Variants in KCNJ3 observed in about 807,000 individuals in gnomAD.
KCNJ3 encodes G protein-activated inward rectifier potassium channel 1.
KCNJ3 carries 4 observed loss-of-function variants against 39.2 expected under a neutral mutation model. The observed-to-expected ratio is 0.10, with a 90% confidence interval of 0.05 to 0.23. The LOEUF (loss-of-function observed/expected upper bound fraction) is 0.23. Among genes scored for constraint, KCNJ3 ranks in the 10% least tolerant of loss-of-function variants. The probability of loss-of-function intolerance (pLI) is 1.00; values close to 1 mark genes in which losing one functional copy is unlikely to be tolerated. For synonymous variants in KCNJ3, 230 were observed against 237.4 expected (o/e 0.97, Z 0.29); for missense variants, 276 against 634.9 (o/e 0.43, Z 6.08).
At chr2:154,751,268 T>G (rs1685841034) in intron 2 of KCNJ3, among the ~76,000 whole-genome samples, 1 of 152,070 alleles carries the variant, frequency 6.6e-6, no homozygotes, top group Non-Finnish European at 1.5e-5. Flanking sequence ...GCTATACATT[T>G]TCTTCTAAGT....
chr2:154,782,946 G>A (rs976782748), intron 2 of KCNJ3, among the ~76,000 whole-genome samples: 1 of 152,142 alleles, frequency 6.6e-6, no homozygotes, highest in Admixed American at 6.5e-5. Flanking sequence ...GGAGGCCAAG[G>A]CAGGCAGATC....
chr2:154,854,162 A>G (rs1199952541), intron 2 of KCNJ3, among the ~76,000 whole-genome samples: 2 of 152,212 alleles, frequency 1.3e-5, no homozygotes, highest in Non-Finnish European at 2.9e-5. Flanking sequence ...GCGTCCATTA[A>G]TTGAGTCACT....
chr2:154,758,351 G>A (rs1022506156), intron 2 of KCNJ3, among the ~76,000 whole-genome samples: 5 of 152,154 alleles, frequency 3.3e-5, no homozygotes, highest in Admixed American at 2.6e-4. Flanking sequence ...CTTGGTATCT[G>A]TAAGGGATTG....
At chr2:154,751,675 C>G (rs756183254) in intron 2 of KCNJ3, among the ~76,000 whole-genome samples, 9 of 152,034 alleles carry the variant, frequency 5.9e-5, no homozygotes, top group Non-Finnish European at 1.3e-4. Context: ...TTTGTTAGGG[C>G]TGTCTTAATA....
intron 2 of KCNJ3, among the ~76,000 whole-genome samples, chr2:154,735,392 G>A (rs978274077): frequency 1.3e-5 from 2 of 152,154 alleles, no homozygotes; most frequent in Admixed American, 1.3e-4. Flanking sequence ...GGGATTACAG[G>A]CGTGAGCCAC....
intron 2 of KCNJ3, among the ~76,000 whole-genome samples, chr2:154,837,572 C>T (rs982935657): frequency 5.3e-5 from 8 of 152,192 alleles, no homozygotes; most frequent in Admixed American, 5.2e-4. Flanking sequence ...TTGACTTCAC[C>T]TGTGCTAACA....
At chr2:154,724,917 G>GTGTATATATATA (rs1484414127) in intron 2 of KCNJ3, among the ~76,000 whole-genome samples, 5 of 116,316 alleles carry the variant, frequency 4.3e-5, no homozygotes, top group African/African-American at 1.8e-4. Context: ...TACATATGAG[G>GTGTATATATATA]TATATATATA....
chr2:154,850,140 G>T (rs1687735169), intron 2 of KCNJ3, among the ~76,000 whole-genome samples: 1 of 142,890 alleles, frequency 7.0e-6, no homozygotes, highest in Non-Finnish European at 1.5e-5. Context: ...AGCTCGTGTT[G>T]ATTTTCACCA....
At chr2:154,734,576 C>T (rs143816495) in intron 2 of KCNJ3, among the ~76,000 whole-genome samples, 1 of 152,258 alleles carries the variant, frequency 6.6e-6, no homozygotes, top group African/African-American at 2.4e-5. Flanking sequence ...GAATGGAGAG[C>T]AAGACAACCA....
At chr2:154,824,949 T>C (rs1687243371) in intron 2 of KCNJ3, among the ~76,000 whole-genome samples, 1 of 152,126 alleles carries the variant, frequency 6.6e-6, no homozygotes, top group Non-Finnish European at 1.5e-5. Flanking sequence ...TATGGGAAAA[T>C]ATTATGTGGA....
chr2:154,744,293 G>A (rs1443790178), intron 2 of KCNJ3, among the ~76,000 whole-genome samples: 1 of 151,642 alleles, frequency 6.6e-6, no homozygotes, highest in Admixed American at 6.6e-5. Context: ...ATATTGAGGT[G>A]TGGTTTTCTT....
chr2:154,748,711 T>A (rs1013911159), intron 2 of KCNJ3, among the ~76,000 whole-genome samples: 5 of 152,124 alleles, frequency 3.3e-5, no homozygotes, highest in African/African-American at 4.8e-5. Context: ...GAGTAAGTAA[T>A]GACTTACATC....
At chr2:154,812,652 AT>A (rs1177903855) in intron 2 of KCNJ3, among the ~76,000 whole-genome samples, 1 of 152,136 alleles carries the variant, frequency 6.6e-6, no homozygotes, top group African/African-American at 2.4e-5. Flanking sequence ...AGACTAAAGA[AT>A]TTTTTTAAAA....
intron 2 of KCNJ3, among the ~76,000 whole-genome samples, chr2:154,821,971 A>T (rs1283342409): frequency 6.6e-6 from 1 of 151,740 alleles, no homozygotes; most frequent in Admixed American, 6.6e-5. Context: ...TTAAATGTGC[A>T]TCTGTTGACA....
intron 2 of KCNJ3, among the ~76,000 whole-genome samples, chr2:154,836,455 A>G (rs921272744): frequency 2.1e-4 from 32 of 152,138 alleles, no homozygotes; most frequent in Admixed American, 6.5e-4. Context: ...GAAATAAATT[A>G]CATGTAAGGA....
chr2:154,799,949 C>T (rs534655690), intron 2 of KCNJ3, among the ~76,000 whole-genome samples: 1 of 152,048 alleles, frequency 6.6e-6, no homozygotes, highest in Non-Finnish European at 1.5e-5. Flanking sequence ...AAAGTAGAAC[C>T]GAGTGGGATC....
chr2:154,728,964 T>C (rs1413194783), intron 2 of KCNJ3, among the ~76,000 whole-genome samples: 12 of 152,170 alleles, frequency 7.9e-5, no homozygotes, highest in Admixed American at 7.2e-4. Context: ...GGACATCCAG[T>C]AAATATTAGT....
intron 2 of KCNJ3, among the ~76,000 whole-genome samples, chr2:154,820,251 C>T (rs1248941574): frequency 3.9e-5 from 6 of 152,208 alleles, no homozygotes; most frequent in South Asian, 2.1e-4. Flanking sequence ...CCAACGTTAT[C>T]GAGTTATTGA....
intron 2 of KCNJ3, among the ~76,000 whole-genome samples, chr2:154,772,370 G>C (rs1486269269): frequency 2.6e-5 from 4 of 152,276 alleles, no homozygotes; most frequent in Non-Finnish European, 5.9e-5. Flanking sequence ...TAAAGGCTGA[G>C]AGTCACTATG....
Sources: allele counts gnomAD v4.1 joint callset (sites outside exome capture counted in the v4.1 genomes callset), GRCh38; gene constraint gnomAD v4.1.1; transcripts MANE v1.5; gene names NCBI Gene and HGNC (gene_info 2026-07-23, HGNC 2026-07-21).